GPALPP1: variants seen among roughly 807,000 people sequenced by gnomAD.
GPALPP1 encodes the protein GPALPP motifs containing 1.
A neutral mutation model predicts 38.9 loss-of-function variants in GPALPP1; 30 were observed. That is an observed-to-expected ratio of 0.77 (90% CI 0.58 to 1.05). GPALPP1 has a LOEUF of 1.05. GPALPP1 is among the 50% of genes least tolerant of loss of function. GPALPP1 has a pLI of 0.00. For missense variants in GPALPP1, 384 were observed against 408.8 expected (o/e 0.94, Z 0.52); for synonymous variants, 120 against 139.2 (o/e 0.86, Z 0.97).
intron 4 of GPALPP1, among the ~76,000 whole-genome samples, chr13:45,009,689 A>G (rs955340482): frequency 2.0e-5 from 3 of 152,238 alleles, no homozygotes; most frequent in African/African-American, 7.2e-5. Flanking sequence ...CAACAGTTAC[A>G]CTGAGGTTGT....
chr13:45,021,961 G>T (rs1389004241), intron 7 of GPALPP1, among the ~76,000 whole-genome samples: 2 of 152,102 alleles, frequency 1.3e-5, no homozygotes, highest in Non-Finnish European at 2.9e-5. Context: ...TCCACACAAA[G>T]AGTTGAACAT....
intron 5 of GPALPP1, 45 bp from the exon 6 acceptor site, chr13:45,015,387 A>G (rs763073287): frequency 9.6e-6 from 12 of 1,251,798 alleles, no homozygotes; most frequent in Middle Eastern, 1.9e-4. Flanking sequence ...CTCATCTTAT[A>G]CACGATATGT....
At chr13:45,003,869 GA>G (rs924486079) in intron 1 of GPALPP1, among the ~76,000 whole-genome samples, 23 of 148,340 alleles carry the variant, frequency 1.6e-4, no homozygotes, top group African/African-American at 5.7e-4. Context: ...TGCCAGGAAA[GA>G]TTTTTTTTTT....
exon 8 of GPALPP1, chr13:45,037,588 T>C (rs1284674062): frequency 2.6e-5 from 4 of 152,240 alleles, no homozygotes; most frequent in African/African-American, 4.8e-5. Context: ...CTTAATAAAA[T>C]TGTCATATTT....
chr13:44,996,666 A>G (rs1441492557), intron 1 of GPALPP1, among the ~76,000 whole-genome samples: 1 of 151,570 alleles, frequency 6.6e-6, no homozygotes, highest in African/African-American at 2.4e-5. Context: ...TATTTTTAGT[A>G]GAGATGGGGT....
intron 7 of GPALPP1, among the ~76,000 whole-genome samples, chr13:45,022,528 A>C (rs778435002): frequency 3.3e-5 from 5 of 152,174 alleles, no homozygotes; most frequent in African/African-American, 1.2e-4. Context: ...GCATCCAAAA[A>C]ATTAGGGTTC....
intron 7 of GPALPP1, among the ~76,000 whole-genome samples, chr13:45,023,663 A>T (rs529020393): frequency 6.6e-6 from 1 of 152,284 alleles, no homozygotes; most frequent in African/African-American, 2.4e-5. Context: ...TCTTTGTTAT[A>T]TATTTAGGCC....
intron 4 of GPALPP1, among the ~76,000 whole-genome samples, chr13:45,012,528 A>G (rs9534020): frequency 0.07 from 10,657 of 152,172 alleles, 588 homozygotes; most frequent in East Asian, 0.19. Context: ...TGGGGAAAAA[A>G]ATTTTCAAAG....
chr13:44,989,737 G>A lies in GPALPP1; in HGVS notation c.83G>A (p.Ser28Asn). The change falls in exon 1 of 8, where the codon AGC becomes AAC. Residue 28 changes from serine (S) to asparagine (N), a missense_variant. By Grantham distance (46) the Ser-to-Asn change is conservative. Coordinates refer to ENST00000379151, the MANE Select transcript of GPALPP1 (RefSeq NM_018559.5). Reference sequence around the variant, plus strand: ...GCGGAGGACGAAGAGCGGGACCCGAGCCCTGGTAAGCGGCGGCGTCTCCGC... The same window carrying A: ...GCGGAGGACGAAGAGCGGGACCCGAACCCTGGTAAGCGGCGGCGTCTCCGC... ...GTAEDEERDPSPVAGPALPPN... is the reference protein window; with the variant it reads ...GTAEDEERDPNPVAGPALPPN... 6.2e-7 allele frequency: 1 copy of A among 1,607,056 alleles called. No individual in the cohort carries two copies. Among genetic ancestry groups the A allele is most frequent in the Non-Finnish European group, 8.5e-7 (1 of 1,178,672 alleles).
intron 1 of GPALPP1, among the ~76,000 whole-genome samples, chr13:44,991,147 G>C (rs897100312): frequency 6.6e-6 from 1 of 151,862 alleles, no homozygotes; most frequent in East Asian, 1.9e-4. Context: ...GTAGGAGATA[G>C]CTTTAAAAAA....
At chr13:45,021,171 C>T (rs971017706) in intron 7 of GPALPP1, among the ~76,000 whole-genome samples, 5 of 152,092 alleles carry the variant, frequency 3.3e-5, no homozygotes, top group African/African-American at 1.2e-4. Context: ...ATAAATGTCC[C>T]CGCTCAAAGA....
At chr13:45,000,051 T>G (rs1404536768) in intron 1 of GPALPP1, among the ~76,000 whole-genome samples, 4 of 152,222 alleles carry the variant, frequency 2.6e-5, no homozygotes, top group Non-Finnish European at 4.4e-5. Context: ...ATGAGTTTTA[T>G]CTTCATCTGC....
At chr13:45,012,486 A>AT (rs1452723411) in intron 4 of GPALPP1, among the ~76,000 whole-genome samples, 2 of 152,196 alleles carry the variant, frequency 1.3e-5, no homozygotes, top group African/African-American at 4.8e-5. Context: ...TAGCACTTTT[A>AT]TATAGGTTCA....
At chr13:45,001,253 T>G (rs905007638) in intron 1 of GPALPP1, among the ~76,000 whole-genome samples, 1 of 152,166 alleles carries the variant, frequency 6.6e-6, no homozygotes, top group Admixed American at 6.5e-5. Flanking sequence ...ATGTGTTTGC[T>G]TCCCCTTCCA....
exon 8 of GPALPP1, chr13:45,036,971 A>T (rs1177186914): frequency 6.6e-6 from 1 of 152,192 alleles, no homozygotes; most frequent in Non-Finnish European, 1.5e-5. Context: ...AGAAAAAAAG[A>T]AAGCAATAAA....
At chr13:45,013,687 T>C (rs534420040) in intron 4 of GPALPP1, among the ~76,000 whole-genome samples, 7 of 152,278 alleles carry the variant, frequency 4.6e-5, no homozygotes, top group Admixed American at 2.6e-4. Context: ...AGAGTAGTTA[T>C]TGGTAGAAGC....
chr13:44,997,490 A>G (rs977183804), intron 1 of GPALPP1, among the ~76,000 whole-genome samples: 2 of 152,114 alleles, frequency 1.3e-5, no homozygotes. Context: ...TCCTATCTGC[A>G]GTGACCTTCA....
At chr13:45,021,331 TA>T (rs1875414620) in intron 7 of GPALPP1, among the ~76,000 whole-genome samples, 2 of 152,166 alleles carry the variant, frequency 1.3e-5, no homozygotes, top group African/African-American at 4.8e-5. Flanking sequence ...GAAGCATGCT[TA>T]AAACATTTTG....
chr13:45,021,050 C>T (rs1262863506), intron 7 of GPALPP1, among the ~76,000 whole-genome samples: 4 of 152,106 alleles, frequency 2.6e-5, no homozygotes, highest in African/African-American at 9.7e-5. Context: ...GTAGTCCAAT[C>T]TAAATTTATA....
Sources: gnomAD v4.1 joint callset for allele counts (sites outside exome capture counted in the v4.1 genomes callset) on GRCh38, gnomAD v4.1.1 for gene constraint, MANE v1.5 for transcripts, NCBI Gene and HGNC (gene_info 2026-07-23, HGNC 2026-07-21) for gene names.